ARHGAP26: variants seen among roughly 807,000 people sequenced by gnomAD.
ARHGAP26 encodes rho GTPase-activating protein 26.
ARHGAP26 carries 38 observed loss-of-function variants against 104.8 expected under a neutral mutation model. That is an observed-to-expected ratio of 0.36 (90% confidence interval 0.28 to 0.48). The LOEUF is 0.48. Among genes scored for constraint, ARHGAP26 ranks in the 20% least tolerant of loss-of-function variants. The pLI is 0.99. For synonymous variants in ARHGAP26, 341 were observed against 340.0 expected (o/e 1.00, Z -0.03); for missense variants, 704 against 947.9 (o/e 0.74, Z 3.38).
chr5:142,837,877 T>C (rs1190169955), intron 1 of ARHGAP26, among the ~76,000 whole-genome samples: 4 of 152,234 alleles, frequency 2.6e-5, no homozygotes, highest in Non-Finnish European at 4.4e-5. Context: ...AATAGTTATT[T>C]ATGTACATAA....
intron 1 of ARHGAP26, among the ~76,000 whole-genome samples, chr5:142,815,256 G>A (rs537789552): frequency 6.6e-6 from 1 of 152,296 alleles, no homozygotes; most frequent in African/African-American, 2.4e-5. Flanking sequence ...GGCCAGGCTG[G>A]TCTCAAACTC....
chr5:142,974,540 G>T (rs1316838014), intron 11 of ARHGAP26, among the ~76,000 whole-genome samples: 1 of 152,172 alleles, frequency 6.6e-6, no homozygotes, highest in Admixed American at 6.5e-5. Context: ...ACAAACTGAT[G>T]AAATGTTTAC....
chr5:142,805,120 T>C (rs2151981607), intron 1 of ARHGAP26, among the ~76,000 whole-genome samples: 1 of 151,658 alleles, frequency 6.6e-6, no homozygotes, highest in African/African-American at 2.4e-5. Context: ...TTTTTTTTTT[T>C]GAGATGGAGT....
At chr5:142,936,253 C>A (rs912058439) in intron 11 of ARHGAP26, among the ~76,000 whole-genome samples, 2 of 151,916 alleles carry the variant, frequency 1.3e-5, no homozygotes, top group Non-Finnish European at 2.9e-5. Context: ...ATATGGTGAT[C>A]AAAGTCAAAA....
intron 11 of ARHGAP26, among the ~76,000 whole-genome samples, chr5:142,940,804 C>T (rs769548878): frequency 2.2e-4 from 33 of 152,066 alleles, no homozygotes; most frequent in Admixed American, 6.5e-4. Context: ...TGGCCAGGTG[C>T]GGTGGCTCAT....
intron 3 of ARHGAP26, among the ~76,000 whole-genome samples, chr5:142,875,469 C>T (rs546855011): frequency 4.6e-5 from 7 of 152,054 alleles, no homozygotes; most frequent in Non-Finnish European, 8.8e-5. Flanking sequence ...CTTTTTTGGG[C>T]GTCGGATTCT....
chr5:143,056,780 G>A (rs183625024), intron 16 of ARHGAP26, among the ~76,000 whole-genome samples: 12 of 152,172 alleles, frequency 7.9e-5, no homozygotes, highest in Admixed American at 3.3e-4. Flanking sequence ...TGTCTCTCCC[G>A]GGTTCCTTTC....
intron 11 of ARHGAP26, among the ~76,000 whole-genome samples, chr5:142,959,032 A>G (rs1769757873): frequency 6.6e-6 from 1 of 152,176 alleles, no homozygotes. Flanking sequence ...GCTTGAGAAG[A>G]CCTTAATAGT....
chr5:142,800,889 T>C (rs2151959588), intron 1 of ARHGAP26, among the ~76,000 whole-genome samples: 1 of 152,304 alleles, frequency 6.6e-6, no homozygotes, highest in Non-Finnish European at 1.5e-5. Flanking sequence ...GAGATCAAAA[T>C]GATGCCAGGT....
intron 17 of ARHGAP26, among the ~76,000 whole-genome samples, chr5:143,063,831 GC>G (rs371116652): frequency 1.2e-4 from 18 of 152,268 alleles, no homozygotes; most frequent in African/African-American, 4.1e-4. Context: ...GCTTTCCTGA[GC>G]TCCCACAGCC....
chr5:142,870,897 A>G (rs569922447), intron 1 of ARHGAP26, among the ~76,000 whole-genome samples: 2 of 152,338 alleles, frequency 1.3e-5, no homozygotes, highest in Admixed American at 1.3e-4. Context: ...GAGGTTCTCC[A>G]AAACAAGCTT....
intron 1 of ARHGAP26, among the ~76,000 whole-genome samples, chr5:142,864,966 C>G (rs773071129): frequency 1.3e-5 from 2 of 152,226 alleles, no homozygotes; most frequent in Non-Finnish European, 2.9e-5. Flanking sequence ...CTTGAGCTGC[C>G]TGGAATTACC....
At chr5:142,978,287 ACTT>A (rs1773422329) in intron 11 of ARHGAP26, among the ~76,000 whole-genome samples, 1 of 151,904 alleles carries the variant, frequency 6.6e-6, no homozygotes, top group Non-Finnish European at 1.5e-5. Context: ...TTCATTCTCC[ACTT>A]CTTCGACTCT....
chr5:143,220,730 G>T (rs114641556), intron 22 of ARHGAP26, among the ~76,000 whole-genome samples: 1 of 152,090 alleles, frequency 6.6e-6, no homozygotes, highest in African/African-American at 2.4e-5. Flanking sequence ...ATCTGAAATT[G>T]GCCAACTTTG....
chr5:142,946,452 T>C (rs1482265250), intron 11 of ARHGAP26: 3 of 152,204 alleles, frequency 2.0e-5, no homozygotes, highest in Non-Finnish European at 4.4e-5. Flanking sequence ...AATTTTTTTT[T>C]TCTTTGTGGG....
intron 17 of ARHGAP26, among the ~76,000 whole-genome samples, chr5:143,098,860 T>A (rs1467497627): frequency 6.9e-6 from 1 of 145,794 alleles, no homozygotes; most frequent in Non-Finnish European, 1.5e-5. Context: ...ATAGGGTTAG[T>A]GTTAAAGTAT....
intron 20 of ARHGAP26, among the ~76,000 whole-genome samples, chr5:143,166,745 C>G (rs903897140): frequency 6.6e-6 from 1 of 152,186 alleles, no homozygotes; most frequent in Non-Finnish European, 1.5e-5. Context: ...TCATCTGTAG[C>G]CACAGTGAAC....
intron 11 of ARHGAP26, among the ~76,000 whole-genome samples, chr5:143,012,163 C>G (rs1313967429): frequency 2.0e-5 from 3 of 152,098 alleles, no homozygotes; most frequent in African/African-American, 4.8e-5. Context: ...GTACAGAAAC[C>G]TGTTCTCTTT....
intron 14 of ARHGAP26, among the ~76,000 whole-genome samples, chr5:143,042,493 A>G (rs968914664): frequency 3.9e-5 from 6 of 152,378 alleles, no homozygotes; most frequent in Middle Eastern, 3.4e-3. Context: ...ATTTGAATCA[A>G]AAGCCCATGA....
Sources: gnomAD v4.1 joint callset for allele counts (sites outside exome capture counted in the v4.1 genomes callset) on GRCh38, gnomAD v4.1.1 for gene constraint, MANE v1.5 for transcripts, NCBI Gene and HGNC (gene_info 2026-07-23, HGNC 2026-07-21) for gene names.